RFX3: variants seen among roughly 807,000 people sequenced by gnomAD.
RFX3 encodes the protein transcription factor RFX3.
Under a neutral mutation model 98.6 loss-of-function variants are expected in RFX3, and 14 were observed. The ratio of observed to expected loss-of-function variants is 0.14; its 90% CI spans 0.09 to 0.22. The LOEUF (loss-of-function observed/expected upper bound fraction) is 0.22, where lower values mean the gene tolerates loss of function less well. Ranked by LOEUF, RFX3 falls within the 10% of genes least tolerant of loss-of-function variation. RFX3 has a pLI of 1.00. For missense variants in RFX3, 639 were observed against 926.9 expected (o/e 0.69, Z 4.03); for synonymous variants, 383 against 328.4 (o/e 1.17, Z -1.80).
intron 1 of RFX3, among the ~76,000 whole-genome samples, chr9:3,490,932 T>C (rs185367662): frequency 1.3e-5 from 2 of 152,152 alleles, no homozygotes; most frequent in Admixed American, 6.5e-5. Flanking sequence ...TATACAAACA[T>C]ACTTACATGT....
chr9:3,239,637 T>C (rs1400030471), intron 15 of RFX3, among the ~76,000 whole-genome samples: 3 of 152,224 alleles, frequency 2.0e-5, no homozygotes, highest in South Asian at 4.1e-4. Context: ...ATATTGGCCT[T>C]AGTTGCCTTT....
chr9:3,492,592 G>C (rs556625431), intron 1 of RFX3, among the ~76,000 whole-genome samples: 3 of 152,312 alleles, frequency 2.0e-5, no homozygotes, highest in East Asian at 3.9e-4. Flanking sequence ...TACGCCTACA[G>C]GGTAGTCAAC....
intron 15 of RFX3, among the ~76,000 whole-genome samples, chr9:3,237,106 T>C (rs1819266621): frequency 6.6e-6 from 1 of 152,248 alleles, no homozygotes; most frequent in African/African-American, 2.4e-5. Context: ...CTTTCATTCA[T>C]TTCTACTATT....
At chr9:3,246,035 A>G (rs1820618755) in intron 15 of RFX3, among the ~76,000 whole-genome samples, 7 of 152,186 alleles carry the variant, frequency 4.6e-5, no homozygotes, top group Admixed American at 4.6e-4. Context: ...TGGCCAATAG[A>G]TCTATGAGAG....
At chr9:3,273,545 T>C (rs1824787803) in intron 9 of RFX3, among the ~76,000 whole-genome samples, 1 of 152,178 alleles carries the variant, frequency 6.6e-6, no homozygotes, top group Non-Finnish European at 1.5e-5. Context: ...ACTTACATTC[T>C]TAATAAATAG....
chr9:3,363,386 T>C (rs1043615220), intron 2 of RFX3, among the ~76,000 whole-genome samples: 1 of 152,206 alleles, frequency 6.6e-6, no homozygotes, highest in African/African-American at 2.4e-5. Context: ...TTTTCTGCTG[T>C]GAATACATAG....
intron 3 of RFX3, among the ~76,000 whole-genome samples, chr9:3,333,925 A>G (rs2991318): frequency 0.13 from 20,224 of 152,104 alleles, 1,412 homozygotes; most frequent in Middle Eastern, 0.19. Context: ...TTAGCTCATT[A>G]AATTTTCATA....
intron 4 of RFX3, among the ~76,000 whole-genome samples, chr9:3,325,627 A>T (rs554016644): frequency 4.7e-4 from 71 of 152,196 alleles, no homozygotes; most frequent in African/African-American, 1.6e-3. Flanking sequence ...CCATCTAATT[A>T]TAAGAATAAA....
intron 1 of RFX3, among the ~76,000 whole-genome samples, chr9:3,415,231 A>ATC (rs1491092137): frequency 1.4e-5 from 2 of 143,248 alleles, no homozygotes; most frequent in Non-Finnish European, 3.0e-5. Flanking sequence ...ATATATATAT[A>ATC]AGAGTTGGGA....
At chr9:3,420,285 G>A (rs1187705673) in intron 1 of RFX3, among the ~76,000 whole-genome samples, 2 of 152,156 alleles carry the variant, frequency 1.3e-5, no homozygotes, top group East Asian at 1.9e-4. Flanking sequence ...GACATTCTAC[G>A]GTTCATGAAA....
At chr9:3,515,993 C>A (rs190298636) in intron 1 of RFX3, among the ~76,000 whole-genome samples, 27 of 152,096 alleles carry the variant, frequency 1.8e-4, no homozygotes, top group African/African-American at 6.0e-4. Context: ...CTCTTTTAGC[C>A]TGCTATGTTC....
At chr9:3,522,561 G>C (rs1450744606) in intron 1 of RFX3, among the ~76,000 whole-genome samples, 1 of 116,322 alleles carries the variant, frequency 8.6e-6, no homozygotes, top group African/African-American at 6.1e-5. Flanking sequence ...GTGTGCGTGT[G>C]TGTGTGTGTG....
chr9:3,449,808 C>A (rs1208520996), intron 1 of RFX3, among the ~76,000 whole-genome samples: 1 of 149,594 alleles, frequency 6.7e-6, no homozygotes, highest in South Asian at 2.1e-4. Flanking sequence ...ACTGAGGCTG[C>A]AGTGAGCTAT....
In RFX3 at chr9:3,307,371, T is replaced by C. The variant is rs1037509434; in HGVS notation, c.475-5751A>G. On this transcript the variant is annotated intron_variant, in intron 4 of 16. Coordinates refer to ENST00000617270, the MANE Select transcript of RFX3 (RefSeq NM_001282116.2). ...GTTAAAAAGTCTTGAGAAAGGGAAT[T>C]AATCTGACATCACTTCATATATTAT... is the stretch of plus-strand genomic sequence containing the variant. Among the ~76,000 whole-genome samples, 87 of 152,222 alleles carry C rather than the reference T, an allele frequency of 5.7e-4. 1 individual carries two copies. The highest frequency in any genetic ancestry group is 2.0e-3 in the African/African-American group (85 of 41,528).
intron 4 of RFX3, among the ~76,000 whole-genome samples, chr9:3,308,392 A>T (rs1829575292): frequency 6.6e-6 from 1 of 152,194 alleles, no homozygotes; most frequent in African/African-American, 2.4e-5. Flanking sequence ...AGGGGGATTC[A>T]GCACTGCCTT....
intron 1 of RFX3, among the ~76,000 whole-genome samples, chr9:3,439,154 T>C (rs968880347): frequency 1.3e-5 from 2 of 151,342 alleles, no homozygotes; most frequent in Admixed American, 6.6e-5. Context: ...AAATAAAAAT[T>C]TGTAGTAAGC....
chr9:3,340,578 C>G (rs1350279523), intron 3 of RFX3, among the ~76,000 whole-genome samples: 2 of 152,100 alleles, frequency 1.3e-5, no homozygotes, highest in Non-Finnish European at 2.9e-5. Context: ...ACAACCCCAT[C>G]AAAAAGTGGG....
chr9:3,425,765 T>C (rs1361133077), intron 1 of RFX3, among the ~76,000 whole-genome samples: 2 of 152,224 alleles, frequency 1.3e-5, no homozygotes, highest in East Asian at 1.9e-4. Context: ...ACCTCTGTAA[T>C]TGCAATTATA....
At chr9:3,399,806 A>C (rs1291801857) in intron 1 of RFX3, among the ~76,000 whole-genome samples, 4 of 151,192 alleles carry the variant, frequency 2.6e-5, no homozygotes, top group Admixed American at 6.6e-5. Flanking sequence ...AAAATTAGCC[A>C]GGCATGGTGG....
Sources: gnomAD v4.1 joint callset for allele counts (sites outside exome capture counted in the v4.1 genomes callset) on GRCh38, gnomAD v4.1.1 for gene constraint, MANE v1.5 for transcripts, NCBI Gene and HGNC (gene_info 2026-07-23, HGNC 2026-07-21) for gene names.